Variants in CCDC178 observed in about 807,000 individuals in gnomAD.
CCDC178 encodes coiled-coil domain containing 178.
A neutral mutation model predicts 117.4 loss-of-function variants in CCDC178; 126 were observed. That is an observed-to-expected ratio of 1.07 (90% CI 0.93 to 1.24). The LOEUF (loss-of-function observed/expected upper bound fraction) is 1.24. Ranked by LOEUF, CCDC178 falls within the 50% of genes most tolerant of loss-of-function variation. CCDC178 has a pLI of 0.00. For synonymous variants in CCDC178, 283 were observed against 313.4 expected, an observed-to-expected ratio of 0.90 and a Z score of 1.02; for missense variants, 1,030 against 986.9, an observed-to-expected ratio of 1.04 and a Z score of -0.59.
chr18:33,138,646 C>T (rs2058159226), intron 20 of CCDC178, among the ~76,000 whole-genome samples: 1 of 152,154 alleles, frequency 6.6e-6, no homozygotes, highest in Admixed American at 6.5e-5. Flanking sequence ...AGTGCTATGT[C>T]AAGGGCTTTA....
rs1021159993 is a variant in CCDC178 at position 33,202,662 on chromosome 18, T to A, written c.2238+9234A>T. Among the ~76,000 whole-genome samples, 4 of 152,180 alleles carry A rather than the reference T, an allele frequency of 2.6e-5. No homozygotes were observed. In the South Asian group the frequency reaches 8.3e-4, roughly 32 times the overall value. On this transcript the variant is annotated intron_variant, in intron 20 of 22. Coordinates refer to ENST00000383096, the MANE Select transcript of CCDC178 (RefSeq NM_001105528.4). The stretch of plus-strand genomic sequence containing the variant: ...GACGACCAAATCACTTTTTTGTGAC[T>A]TTTATCTGCAACTAGTGCCTACATT...
At chr18:32,973,201 CA>C (rs2054964663) in intron 22 of CCDC178, among the ~76,000 whole-genome samples, 1 of 152,030 alleles carries the variant, frequency 6.6e-6, no homozygotes, top group Non-Finnish European at 1.5e-5. Flanking sequence ...TTTCTAATGA[CA>C]TTTTTAATAT....
intron 20 of CCDC178, among the ~76,000 whole-genome samples, chr18:33,123,459 T>C (rs2144222477): frequency 6.6e-6 from 1 of 152,268 alleles, no homozygotes; most frequent in South Asian, 2.1e-4. Flanking sequence ...CTACAGACTC[T>C]CTTACTACAA....
In CCDC178 at chr18:33,370,075, G is replaced by C; in HGVS notation, c.323C>G (p.Ser108Cys). 6.3e-7 allele frequency: 1 copy of C among 1,593,680 alleles called. No individual in the cohort carries two copies. Among genetic ancestry groups the C allele is most frequent in the East Asian group, 2.3e-5 (1 of 43,408 alleles). ...KMISHIQDVESKIQEHLKRFE... is the reference protein window; with the variant it reads ...KMISHIQDVECKIQEHLKRFE... ...CCTTTTCAAATGCTCCTGTATTTTG[G>C]ACTCCACATCTTGGATGTGTGAAAT... is the stretch of plus-strand genomic sequence containing the variant. Residue 108 changes from serine to cysteine, a missense_variant, in exon 6 of 23, where the codon TCC (serine) becomes TGC (cysteine). Physicochemically the swap from Ser to Cys is moderately radical, Grantham distance 112. Coordinates refer to ENST00000383096, the MANE Select transcript of CCDC178 (RefSeq NM_001105528.4).
At chr18:33,202,229 T>C (rs989563733) in intron 20 of CCDC178, among the ~76,000 whole-genome samples, 3 of 151,416 alleles carry the variant, frequency 2.0e-5, no homozygotes, top group Non-Finnish European at 2.9e-5. Flanking sequence ...CCGTCTCTAC[T>C]AAAAATACAA....
chr18:33,114,162 T>C (rs564758433), intron 20 of CCDC178, among the ~76,000 whole-genome samples: 51 of 152,180 alleles, frequency 3.4e-4, no homozygotes, highest in African/African-American at 1.2e-3. Context: ...ATGAAGAGGT[T>C]GGTTTACTTT....
intron 10 of CCDC178, among the ~76,000 whole-genome samples, chr18:33,331,047 T>TTTTTTTTTTTTTTTTTG (rs2062661980): frequency 7.0e-6 from 1 of 142,228 alleles, no homozygotes; most frequent in African/African-American, 2.7e-5. Context: ...TTTTTTTTTT[T>TTTTTTTTTTTTTTTTTG]TTTTTGGTCT....
chr18:33,383,690 C>T (rs193008123), intron 5 of CCDC178, among the ~76,000 whole-genome samples: 2 of 152,176 alleles, frequency 1.3e-5, no homozygotes, highest in Admixed American at 6.5e-5. Flanking sequence ...AAAGACCCCA[C>T]AAAATCCCCA....
At chr18:33,204,147 A>C (rs1035297192) in intron 20 of CCDC178, among the ~76,000 whole-genome samples, 1 of 152,184 alleles carries the variant, frequency 6.6e-6, no homozygotes, top group Admixed American at 6.5e-5. Flanking sequence ...AGTCAAAGCA[A>C]ATGCAATGTA....
At position 33,413,699 on chromosome 18, in the gene CCDC178, TG is replaced by T. The variant is rs766327569; in HGVS notation, c.-22-1590del. Among the ~76,000 whole-genome samples the T allele has an allele frequency of 3.3e-5, 5 of 152,270 alleles. No individual in the cohort carries two copies. In the South Asian group the frequency reaches 6.2e-4, roughly 19 times the overall value. On this transcript the variant is annotated intron_variant, in intron 2 of 22. Coordinates refer to ENST00000383096, the MANE Select transcript of CCDC178 (RefSeq NM_001105528.4). ...CTAACATTTTAGGCCACTCTTTCCC[TG>T]GGGACAACATCTGACCCAGGAGAGG...
At chr18:33,184,737 G>C (rs1176158631) in intron 20 of CCDC178, among the ~76,000 whole-genome samples, 1 of 151,944 alleles carries the variant, frequency 6.6e-6, no homozygotes, top group Non-Finnish European at 1.5e-5. Flanking sequence ...TGAACTACCA[G>C]AGCACATTCT....
At chr18:32,988,762 A>C (rs948687660) in intron 21 of CCDC178, among the ~76,000 whole-genome samples, 5 of 152,012 alleles carry the variant, frequency 3.3e-5, no homozygotes, top group Non-Finnish European at 7.4e-5. Context: ...AATAGAAATA[A>C]AGTAAAAAAT....
intron 21 of CCDC178, among the ~76,000 whole-genome samples, chr18:32,982,489 T>C (rs1333053377): frequency 1.3e-5 from 2 of 152,184 alleles, no homozygotes; most frequent in Non-Finnish European, 2.9e-5. Flanking sequence ...TCTTTGTCTA[T>C]GAATAATAAT....
chr18:33,029,279 A>G (rs959873847), intron 21 of CCDC178, among the ~76,000 whole-genome samples: 4 of 151,876 alleles, frequency 2.6e-5, no homozygotes, highest in Non-Finnish European at 5.9e-5. Context: ...GTCTCACCTG[A>G]ATTATCTAAT....
intron 9 of CCDC178, among the ~76,000 whole-genome samples, chr18:33,345,671 G>A (rs2062882095): frequency 6.6e-6 from 1 of 152,118 alleles, no homozygotes; most frequent in Admixed American, 6.6e-5. Flanking sequence ...TATGCCAAAT[G>A]TTTGCATGCT....
intron 5 of CCDC178, among the ~76,000 whole-genome samples, chr18:33,370,799 A>G (rs1208798639): frequency 6.6e-6 from 1 of 152,020 alleles, no homozygotes; most frequent in Non-Finnish European, 1.5e-5. Flanking sequence ...AGCTGTACTC[A>G]TCATAAAATC....
At chr18:33,046,833 T>C (rs1236665842) in intron 21 of CCDC178, among the ~76,000 whole-genome samples, 4 of 152,138 alleles carry the variant, frequency 2.6e-5, no homozygotes, top group African/African-American at 9.7e-5. Flanking sequence ...GACCTGACTA[T>C]TGAAAGAAAA....
intron 10 of CCDC178, among the ~76,000 whole-genome samples, chr18:33,327,149 C>T (rs72948877): frequency 0.023 from 3,576 of 152,184 alleles, 55 homozygotes; most frequent in Admixed American, 0.036. Flanking sequence ...GTCATTAATC[C>T]TTCTGTGTCT....
At chr18:32,988,097 TAA>T (rs1568200794) in intron 21 of CCDC178, among the ~76,000 whole-genome samples, 4 of 143,464 alleles carry the variant, frequency 2.8e-5, no homozygotes, top group African/African-American at 1.0e-4. Flanking sequence ...ATAATAATAA[TAA>T]TAATAATAAT....
Sources: gnomAD v4.1 joint callset for allele counts (sites outside exome capture counted in the v4.1 genomes callset) on GRCh38, gnomAD v4.1.1 for gene constraint, MANE v1.5 for transcripts, NCBI Gene and HGNC (gene_info 2026-07-23, HGNC 2026-07-21) for gene names.